The following AGTPBP1 variants were observed in gnomAD, a reference collection of about 807,000 sequenced individuals.
AGTPBP1 encodes the protein ATP/GTP binding carboxypeptidase 1.
Under a neutral mutation model 143.9 loss-of-function variants are expected in AGTPBP1, and 70 were observed. The ratio of observed to expected loss-of-function variants is 0.49; its 90% confidence interval spans 0.40 to 0.59. The LOEUF is 0.59. Ranked by LOEUF, AGTPBP1 falls within the 20% of genes least tolerant of loss-of-function variation. The pLI, the probability that AGTPBP1 is intolerant of heterozygous loss-of-function variation, is 0.00. For missense variants in AGTPBP1, 1,229 were observed against 1,464.5 expected (o/e 0.84, Z 2.62); for synonymous variants, 463 against 500.2 (o/e 0.93, Z 0.99).
At chr9:85,581,698 T>A (rs542105090) in intron 23 of AGTPBP1, among the ~76,000 whole-genome samples, 5 of 152,234 alleles carry the variant, frequency 3.3e-5, no homozygotes, top group Non-Finnish European at 7.3e-5. Context: ...CTTAAAAACC[T>A]AATAGTTTTG....
intron 21 of AGTPBP1, among the ~76,000 whole-genome samples, chr9:85,587,395 A>G (rs1828681278): frequency 1.3e-5 from 2 of 152,204 alleles, no homozygotes; most frequent in African/African-American, 4.8e-5. Flanking sequence ...AAAGACAAGT[A>G]TATGAAAAGT....
intron 1 of AGTPBP1, among the ~76,000 whole-genome samples, chr9:85,739,595 C>T (rs988248715): frequency 6.6e-6 from 1 of 151,486 alleles, no homozygotes; most frequent in South Asian, 2.1e-4. Context: ...GTAATCCCAG[C>T]TATTCGGGAG....
intron 19 of AGTPBP1, 131 bp downstream of exon 19, chr9:85,592,429 T>C (rs1160205019): frequency 3.4e-6 from 2 of 596,490 alleles, no homozygotes; most frequent in Admixed American, 4.1e-5. Flanking sequence ...AGTATAATTA[T>C]CCTTATGTTA....
intron 14 of AGTPBP1, among the ~76,000 whole-genome samples, chr9:85,625,498 A>G (rs969917125): frequency 3.9e-5 from 6 of 152,186 alleles, no homozygotes; most frequent in African/African-American, 9.7e-5. Flanking sequence ...TTATTTTCAT[A>G]AGCGTATTTT....
At chr9:85,572,004 G>GTTTTTTTTTTTTTTTTTTTTTTTTTT (rs55882437) in intron 25 of AGTPBP1, among the ~76,000 whole-genome samples, 3 of 43,492 alleles carry the variant, frequency 6.9e-5, no homozygotes, top group Non-Finnish European at 1.5e-4. Flanking sequence ...GTTTGTGTGT[G>GTTTTTTTTTTTTTTTTTTTTTTTTTT]TTTTTTTTTT....
intron 21 of AGTPBP1, among the ~76,000 whole-genome samples, chr9:85,587,553 GACA>G (rs1828693343): frequency 6.6e-6 from 1 of 151,932 alleles, no homozygotes; most frequent in Non-Finnish European, 1.5e-5. Flanking sequence ...ATTAAAAATA[GACA>G]ACATTTTAGT....
chr9:85,785,926 A>C, the AGTPBP1 span: 1 of 511,504 alleles, frequency 2.0e-6, no homozygotes, highest in South Asian at 3.0e-5. Flanking sequence ...TGTAAGTGAA[A>C]TAAAAATATT....
At chr9:85,692,190 T>C (rs540220434) in intron 3 of AGTPBP1, among the ~76,000 whole-genome samples, 1 of 152,212 alleles carries the variant, frequency 6.6e-6, no homozygotes, top group South Asian at 2.1e-4. Context: ...AAAATTGTAA[T>C]CATTATTAGA....
At chr9:85,677,408 C>T (rs558385822) in intron 6 of AGTPBP1, 28 bp downstream of exon 6, 7 of 1,593,084 alleles carry the variant, frequency 4.4e-6, no homozygotes, top group African/African-American at 2.7e-5. Context: ...GTTCTAGATA[C>T]AATAATCATA....
intron 7 of AGTPBP1, 146 bp from the exon 8 acceptor site, chr9:85,669,724 C>A: frequency 2.3e-6 from 1 of 430,362 alleles, no homozygotes. Flanking sequence ...AAGCTAACCA[C>A]ATGAAGAAAT....
At position 85,589,684 on chromosome 9, in the gene AGTPBP1, T is replaced by G; in HGVS notation, c.2569-3A>C. 1 of 1,602,658 alleles carries G rather than the reference T, an allele frequency of 6.2e-7. No homozygotes were observed. The highest frequency in any genetic ancestry group is 1.3e-5 in the African/African-American group (1 of 74,276). ...GATTCCAATTTTTGAAGATGCATCT[T>G]GATAAAAATTTTAAAACAAAATATA... On this transcript the variant is annotated splice_polypyrimidine_tract_variant and splice_region_variant and intron_variant, in intron 19 of 25. Coordinates refer to ENST00000357081, the MANE Select transcript of AGTPBP1 (RefSeq NM_001330701.2).
At chr9:85,749,882 TC>T in the AGTPBP1 span, among the ~76,000 whole-genome samples, 3 of 78,120 alleles carry the variant, frequency 3.8e-5, no homozygotes, top group Non-Finnish European at 7.0e-5. Context: ...TACTCCTGTA[TC>T]CCTTTTTTTT....
intron 25 of AGTPBP1, among the ~76,000 whole-genome samples, chr9:85,574,515 G>A (rs1827772999): frequency 6.6e-6 from 1 of 150,608 alleles, no homozygotes; most frequent in African/African-American, 2.4e-5. Context: ...TGAGCCTACA[G>A]CTTATCAAAT....
chr9:85,707,833 T>C (rs1019381583), intron 2 of AGTPBP1, among the ~76,000 whole-genome samples: 38 of 151,628 alleles, frequency 2.5e-4, no homozygotes, highest in African/African-American at 9.2e-4. Flanking sequence ...GTTTTTGGCA[T>C]GTTCTCACTC....
chr9:85,793,878 TA>T, the AGTPBP1 span, among the ~76,000 whole-genome samples: 2 of 152,012 alleles, frequency 1.3e-5, no homozygotes, highest in Admixed American at 6.6e-5. Flanking sequence ...CCTGAAAATA[TA>T]AAAAAATGGC....
intron 3 of AGTPBP1, among the ~76,000 whole-genome samples, chr9:85,687,819 G>GT (rs1403972934): frequency 6.6e-6 from 1 of 152,070 alleles, no homozygotes; most frequent in African/African-American, 2.4e-5. Flanking sequence ...GCCAGGCGCG[G>GT]TGGCTCATGC....
chr9:85,740,971 G>A (rs1317124956), intron 1 of AGTPBP1, among the ~76,000 whole-genome samples: 2 of 152,144 alleles, frequency 1.3e-5, no homozygotes, highest in Non-Finnish European at 2.9e-5. Flanking sequence ...CCCAAGAAAG[G>A]AACCCAACCA....
intron 12 of AGTPBP1, 146 bp downstream of exon 12, chr9:85,646,175 C>A: frequency 1.7e-6 from 1 of 595,210 alleles, no homozygotes; most frequent in Non-Finnish European, 3.0e-6. Context: ...ATATCATCTA[C>A]CCCTTTAATT....
the AGTPBP1 span, among the ~76,000 whole-genome samples, chr9:85,754,344 C>T: frequency 7.9e-5 from 12 of 152,302 alleles, no homozygotes; most frequent in African/African-American, 2.6e-4. Flanking sequence ...GTGCCCACCA[C>T]CATGCCCGAC....
Sources: gnomAD v4.1 joint callset for allele counts (sites outside exome capture counted in the v4.1 genomes callset) on GRCh38, gnomAD v4.1.1 for gene constraint, MANE v1.5 for transcripts, NCBI Gene and HGNC (gene_info 2026-07-23, HGNC 2026-07-21) for gene names.